ZFP62: variants seen among roughly 807,000 people sequenced by gnomAD.
ZFP62 encodes the protein zinc finger protein 62 homolog.
A neutral mutation model predicts 56.4 loss-of-function variants in ZFP62; 44 were observed. The ratio of observed to expected loss-of-function variants is 0.78; its 90% CI spans 0.61 to 1.00. The LOEUF is 1.00. ZFP62 is among the 50% of genes least tolerant of loss of function. The pLI is 0.00. For synonymous variants in ZFP62, 421 were observed against 388.9 expected (o/e 1.08, Z -0.97); for missense variants, 1,030 against 1,085.7 (o/e 0.95, Z 0.72).
At chr5:180,831,113 C>T in the ZFP62 span, 10,682 of 152,754 alleles carry the variant, frequency 0.07, 471 homozygotes, top group African/African-American at 0.13. Context: ...GAAACGCTGC[C>T]TCTGTGGAAG....
At chr5:180,846,121 T>C (rs745810089), downstream of ZFP62, among the ~76,000 whole-genome samples, 2 of 152,224 alleles carry the variant, frequency 1.3e-5, no homozygotes, top group South Asian at 4.1e-4. Flanking sequence ...CACCAGTTCA[T>C]TGGGTCTGTG....
In ZFP62 at chr5:180,859,670, G is replaced by C. The variant is rs532610133; in HGVS notation, c.1+1549C>G. On this transcript the variant is annotated intron_variant, in intron 1 of 1. Transcript: ENST00000502412. Reference sequence around the variant, plus strand: ...GAGGCTGATTTTCTGAATCAAACCCGGCAGGGACTGGCTTGGAGTCATTGA... The same window carrying C: ...GAGGCTGATTTTCTGAATCAAACCCCGCAGGGACTGGCTTGGAGTCATTGA... Among the ~76,000 whole-genome samples the C allele has an allele frequency of 8.5e-5, 13 of 152,282 alleles. No individual in the cohort carries two copies. In the South Asian group the frequency reaches 1.0e-3, roughly 12 times the overall value.
Position 180,850,528 on chromosome 5 carries a change from T to C in ZFP62, c.967A>G (p.Thr323Ala). The C allele has an allele frequency of 6.4e-7, 1 of 1,553,866 alleles. No homozygotes were observed. Among genetic ancestry groups the C allele is most frequent in the South Asian group, 1.2e-5 (1 of 84,234 alleles). Reference protein sequence around the residue: ...ECGKAFITCRTLLNHKSIHFG... With the variant: ...ECGKAFITCRALLNHKSIHFG... ...TGGATGCTTTTATGGTTGAGAAGTG[T>C]TCTACAAGTAATGAAGGCCTTCCCA... Residue 323 changes from threonine (T) to alanine (A), a missense_variant, in exon 2 of 2, where the codon ACA becomes GCA. Thr to Ala is a moderately conservative substitution (Grantham distance 58, BLOSUM62 0). Coordinates refer to ENST00000502412, the MANE Select transcript of ZFP62 (RefSeq NM_001172638.2).
the ZFP62 span, among the ~76,000 whole-genome samples, chr5:180,841,884 T>A: frequency 6.6e-6 from 1 of 152,062 alleles, no homozygotes; most frequent in Non-Finnish European, 1.5e-5. Context: ...ACAACCCCTC[T>A]CTACTAAAAA....
At position 180,861,235 on chromosome 5, in the gene ZFP62, G is replaced by C; in HGVS notation, c.-16C>G. On this transcript the variant is annotated 5_prime_UTR_variant, in exon 1 of 2. Coordinates refer to ENST00000502412, the MANE Select transcript of ZFP62 (RefSeq NM_001172638.2). The stretch of plus-strand genomic sequence containing the variant: ...CTCACGTACTGGCTGTGGCGGCGCC[G>C]CGGGAACCCGGCCGCCAGCGGGACA... 2.5e-6 allele frequency: 1 copy of C among 398,046 alleles called. No individual in the cohort carries two copies. Among genetic ancestry groups the C allele is most frequent in the Non-Finnish European group, 4.4e-6 (1 of 225,652 alleles). 24.7% of individuals were successfully genotyped at this position (398,046 alleles called of 1,614,324 possible).
At chr5:180,852,031 A>G (rs1773738630) in intron 1 of ZFP62, 4 of 986,436 alleles carry the variant, frequency 4.1e-6, no homozygotes, top group Non-Finnish European at 4.8e-6. Context: ...CCATGAAGAC[A>G]GTTACTGCAG....
At chr5:180,830,058 C>G in the ZFP62 span, 1 of 152,148 alleles carries the variant, frequency 6.6e-6, no homozygotes, top group Non-Finnish European at 1.5e-5. Context: ...GTGGCACCAC[C>G]AAGACCCCCT....
chr5:180,846,125 G>A (rs1483102424), downstream of ZFP62, among the ~76,000 whole-genome samples: 1 of 152,152 alleles, frequency 6.6e-6, no homozygotes, highest in Non-Finnish European at 1.5e-5. Flanking sequence ...AGTTCATTGG[G>A]TCTGTGCTAC....
downstream of ZFP62, among the ~76,000 whole-genome samples, chr5:180,847,241 C>A (rs1773435327): frequency 6.6e-6 from 1 of 152,220 alleles, no homozygotes; most frequent in African/African-American, 2.4e-5. Flanking sequence ...TTACTCAATT[C>A]TCAGAAGAGT....
Position 180,847,705 on chromosome 5 carries a change from T to A in ZFP62, c.*1087A>T. On this transcript the variant is annotated 3_prime_UTR_variant, in exon 2 of 2. Transcript: ENST00000502412. The stretch of plus-strand genomic sequence containing the variant: ...AAGAGAGAGTGAGCCCTGAACAAAG[T>A]ATTCGTTAACATTTTACAACAGACA... 1 of 985,400 alleles carries A rather than the reference T, an allele frequency of 1.0e-6. No individual in the cohort carries two copies. The highest frequency in any genetic ancestry group is 1.2e-6 in the Non-Finnish European group (1 of 829,912). 61.0% of individuals were successfully genotyped at this position (985,400 alleles called of 1,614,324 possible). A position where few individuals can be genotyped will look rare whatever the true frequency, so the allele number is the denominator to read the frequency against.
rs1773493675 is a variant in ZFP62 at position 180,848,357 on chromosome 5, T to C, written c.*435A>G. On this transcript the variant is annotated 3_prime_UTR_variant, in exon 2 of 2. Transcript: ENST00000502412. ...CCTGAATTTGCCTGTTGGAGGCCCT[T>C]AGTTTTCCCACTGACCAATGTGTAA... The C allele has an allele frequency of 1.0e-6, 1 of 988,294 alleles. No homozygotes were observed. Among genetic ancestry groups the C allele is most frequent in the Non-Finnish European group, 1.2e-6 (1 of 831,926 alleles). 61.2% of individuals were successfully genotyped at this position (988,294 alleles called of 1,614,324 possible).
At chr5:180,829,803 A>G in the ZFP62 span, among the ~76,000 whole-genome samples, 2 of 152,082 alleles carry the variant, frequency 1.3e-5, no homozygotes, top group Non-Finnish European at 2.9e-5. Context: ...CCCCGGCCAT[A>G]GTCTTTCTGC....
chr5:180,833,347 C>T, the ZFP62 span, among the ~76,000 whole-genome samples: 4 of 151,804 alleles, frequency 2.6e-5, no homozygotes, highest in Non-Finnish European at 5.9e-5. Context: ...GGTGTGGCAG[C>T]GGGTGCCTGT....
At chr5:180,858,365 G>A (rs1285481296) in intron 1 of ZFP62, among the ~76,000 whole-genome samples, 1 of 151,966 alleles carries the variant, frequency 6.6e-6, no homozygotes, top group East Asian at 1.9e-4. Flanking sequence ...AGCACATTGG[G>A]AGGCTGAGGC....
At chr5:180,856,424 G>C (rs561045949) in intron 1 of ZFP62, among the ~76,000 whole-genome samples, 1 of 152,178 alleles carries the variant, frequency 6.6e-6, no homozygotes, top group African/African-American at 2.4e-5. Flanking sequence ...TACAAAGAAT[G>C]TAACACATAA....
rs1173817512 is a variant in ZFP62 at position 180,848,324 on chromosome 5, CTA to C, written c.*466_*467del. On this transcript the variant is annotated 3_prime_UTR_variant, in exon 2 of 2. Transcript: ENST00000502412. ...TAAATAAATTTATATTCCCTGAAACCTATCCTCCCTGAATTTGCCTGTTGGAG... is the reference window on the plus strand; with the variant it reads ...TAAATAAATTTATATTCCCTGAAACCTCCTCCCTGAATTTGCCTGTTGGAG... The C allele has an allele frequency of 1.0e-6, 1 of 986,476 alleles. No individual in the cohort carries two copies. The highest frequency in any genetic ancestry group is 1.2e-6 in the Non-Finnish European group (1 of 830,798). 61.1% of individuals were successfully genotyped at this position (986,476 alleles called of 1,614,324 possible).
At chr5:180,858,478 C>T (rs1355117884) in intron 1 of ZFP62, among the ~76,000 whole-genome samples, 1 of 151,848 alleles carries the variant, frequency 6.6e-6, no homozygotes, top group Non-Finnish European at 1.5e-5. Context: ...TGGTGCACAC[C>T]TGTAGTTCCA....
the ZFP62 span, among the ~76,000 whole-genome samples, chr5:180,840,657 A>G: frequency 6.6e-6 from 1 of 151,912 alleles, no homozygotes; most frequent in Non-Finnish European, 1.5e-5. Context: ...TCAGGAGGCT[A>G]AGGCAGGAGA....
At chr5:180,842,537 G>A in the ZFP62 span, among the ~76,000 whole-genome samples, 23 of 152,356 alleles carry the variant, frequency 1.5e-4, no homozygotes, top group African/African-American at 5.3e-4. Context: ...TCACACTTCA[G>A]TGGCTTAATG....
Sources: allele counts gnomAD v4.1 joint callset (sites outside exome capture counted in the v4.1 genomes callset), GRCh38; gene constraint gnomAD v4.1.1; transcripts MANE v1.5; gene names NCBI Gene and HGNC (gene_info 2026-07-23, HGNC 2026-07-21).